Variants in BLTP3B observed in about 807,000 individuals in gnomAD.
The protein encoded by BLTP3B is UHRF1 (ICBP90) binding protein 1-like.
At chr12:100,102,094 C>T in the BLTP3B span, among the ~76,000 whole-genome samples, 4 of 151,112 alleles carry the variant, frequency 2.6e-5, no homozygotes, top group East Asian at 5.8e-4. Context: ...GCCACTACAC[C>T]GAGCCCAACT....
At chr12:100,132,038 C>T in the BLTP3B span, among the ~76,000 whole-genome samples, 8 of 152,132 alleles carry the variant, frequency 5.3e-5, no homozygotes, top group African/African-American at 1.7e-4. Context: ...GTGATCTACC[C>T]GCCTTGGCCT....
chr12:100,109,130 C>T, the BLTP3B span, among the ~76,000 whole-genome samples: 1 of 148,394 alleles, frequency 6.7e-6, no homozygotes, highest in Admixed American at 6.8e-5. Flanking sequence ...CTCACAAGAT[C>T]TGATGATTTA....
chr12:100,089,174 C>T, the BLTP3B span: 12 of 1,247,684 alleles, frequency 9.6e-6, no homozygotes, highest in Middle Eastern at 4.0e-4. Flanking sequence ...TATTTTCAGT[C>T]GAAAGTCATG....
At chr12:100,042,443 G>A in the BLTP3B span, among the ~76,000 whole-genome samples, 1 of 152,152 alleles carries the variant, frequency 6.6e-6, no homozygotes, top group Non-Finnish European at 1.5e-5. Context: ...ATACAGACAA[G>A]TAGAATAGAA....
the BLTP3B span, chr12:100,059,494 C>A: frequency 6.2e-7 from 1 of 1,605,688 alleles, no homozygotes. Context: ...CGTGGCTGAT[C>A]TTGATGACAT....
the BLTP3B span, among the ~76,000 whole-genome samples, chr12:100,072,367 T>C: frequency 2.6e-5 from 4 of 151,946 alleles, no homozygotes; most frequent in African/African-American, 9.7e-5. Flanking sequence ...AATAACAACA[T>C]CTAAAACTGT....
chr12:100,074,514 G>A, the BLTP3B span, among the ~76,000 whole-genome samples: 74 of 151,454 alleles, frequency 4.9e-4, 2 homozygotes, highest in South Asian at 2.5e-3. Context: ...CATAAAAATC[G>A]CTTGAACTCG....
chr12:100,058,760 C>A, the BLTP3B span: 1 of 1,613,954 alleles, frequency 6.2e-7, no homozygotes, highest in Non-Finnish European at 8.5e-7. Context: ...TCCTTAAGTT[C>A]TCTGAAAGCA....
At chr12:100,140,346 GAA>G in the BLTP3B span, among the ~76,000 whole-genome samples, 1 of 138,414 alleles carries the variant, frequency 7.2e-6, no homozygotes. Flanking sequence ...ACTCATCTCT[GAA>G]AAAAAAAAAA....
At chr12:100,070,289 A>ATT in the BLTP3B span, 6 of 1,121,896 alleles carry the variant, frequency 5.3e-6, no homozygotes, top group African/African-American at 2.2e-5. Context: ...TTAATTAATT[A>ATT]ATTTTTTTTT....
At chr12:100,073,267 T>C in the BLTP3B span, among the ~76,000 whole-genome samples, 1 of 151,854 alleles carries the variant, frequency 6.6e-6, no homozygotes, top group Non-Finnish European at 1.5e-5. Context: ...CTGCTTGAGA[T>C]AATAAAAATT....
chr12:100,098,871 T>G, the BLTP3B span, among the ~76,000 whole-genome samples: 1 of 151,800 alleles, frequency 6.6e-6, no homozygotes, highest in Non-Finnish European at 1.5e-5. Flanking sequence ...ATTGCAACAC[T>G]GCACTCCAGC....
chr12:100,059,584 T>C, the BLTP3B span: 1 of 1,508,360 alleles, frequency 6.6e-7, no homozygotes, highest in Non-Finnish European at 8.8e-7. Flanking sequence ...CCATACATCT[T>C]GAAGATAAAA....
chr12:100,086,754 T>C, the BLTP3B span, among the ~76,000 whole-genome samples: 1 of 152,142 alleles, frequency 6.6e-6, no homozygotes, highest in Admixed American at 6.5e-5. Context: ...ATCTTCAAGA[T>C]AAGGAAACTG....
the BLTP3B span, chr12:100,088,898 T>C: frequency 6.6e-7 from 1 of 1,517,094 alleles, no homozygotes; most frequent in African/African-American, 1.4e-5. Context: ...TAGTTTGAAA[T>C]AAGCAAGTTA....
the BLTP3B span, chr12:100,039,445 C>T: frequency 3.7e-5 from 26 of 711,382 alleles, no homozygotes; most frequent in African/African-American, 3.6e-4. Context: ...TTGCTCAACA[C>T]TCTAACCATA....
At chr12:100,131,310 C>CAA in the BLTP3B span, among the ~76,000 whole-genome samples, 7 of 105,900 alleles carry the variant, frequency 6.6e-5, no homozygotes, top group Non-Finnish European at 1.2e-4. Context: ...GACCCTGTCT[C>CAA]AAAAAAAAAA....
At chr12:100,071,314 T>C in the BLTP3B span, among the ~76,000 whole-genome samples, 1 of 151,866 alleles carries the variant, frequency 6.6e-6, no homozygotes, top group Non-Finnish European at 1.5e-5. Context: ...CTGGCCAACA[T>C]GACAAAACCC....
chr12:100,039,891 TATTA>T, the BLTP3B span: 1 of 1,070,300 alleles, frequency 9.3e-7, no homozygotes, highest in African/African-American at 1.6e-5. Context: ...TATCTATATA[TATTA>T]GTTATGAGGA....
Sources: gnomAD v4.1 joint callset for allele counts (sites outside exome capture counted in the v4.1 genomes callset) on GRCh38, gnomAD v4.1.1 for gene constraint, MANE v1.5 for transcripts, NCBI Gene and HGNC (gene_info 2026-07-23, HGNC 2026-07-21) for gene names.